The following EIF3B variants were observed in gnomAD, a reference collection of about 807,000 sequenced individuals.
The protein encoded by EIF3B is eukaryotic translation initiation factor 3 subunit B, also known as eukaryotic translation initiation factor 3 subunit 9.
A neutral mutation model predicts 104.6 loss-of-function variants in EIF3B; 10 were observed. The ratio of observed to expected loss-of-function variants is 0.10; its 90% CI spans 0.06 to 0.16. The LOEUF is 0.16. EIF3B is among the 10% of genes least tolerant of loss of function. The probability of loss-of-function intolerance (pLI) is 1.00; values close to 1 mark genes in which losing one functional copy is unlikely to be tolerated. For synonymous variants in EIF3B, 542 were observed against 417.2 expected (o/e 1.30, Z -3.65); for missense variants, 1,014 against 1,087.9 (o/e 0.93, Z 0.96).
chr7:2,374,288 A>G (rs1444577218), intron 12 of EIF3B: 2 of 417,278 alleles, frequency 4.8e-6, no homozygotes, highest in Non-Finnish European at 8.8e-6. Flanking sequence ...ACCTCAGGAA[A>G]TAAGATAGTA....
Position 2,366,508 on chromosome 7 carries a change from A to G in EIF3B, c.1290-17A>G. The G allele has an allele frequency of 6.2e-7, 1 of 1,614,108 alleles. No homozygotes were observed. The highest frequency in any genetic ancestry group is 1.1e-5 in the South Asian group (1 of 91,078). On this transcript the variant is annotated splice_polypyrimidine_tract_variant and intron_variant, in intron 7 of 18. Transcript: ENST00000360876. ...TGTCTTTTCATGGGAATACCCTGGCACTTTTGTTTTTCTTAGGTGGAGCCA... is the reference window on the plus strand; with the variant it reads ...TGTCTTTTCATGGGAATACCCTGGCGCTTTTGTTTTTCTTAGGTGGAGCCA...
intron 3 of EIF3B, 27 bp downstream of exon 3, chr7:2,362,791 G>T: frequency 6.2e-7 from 1 of 1,613,740 alleles, no homozygotes; most frequent in Non-Finnish European, 8.5e-7. Context: ...CCACAAGGAA[G>T]TGGACGTTGA....
intron 6 of EIF3B, among the ~76,000 whole-genome samples, chr7:2,365,481 C>T (rs1438774081): frequency 6.6e-6 from 1 of 152,108 alleles, no homozygotes; most frequent in Non-Finnish European, 1.5e-5. Context: ...TCTGCCTTCC[C>T]CTCTGGTGTT....
chr7:2,362,635 TCTCA>T lies in EIF3B; in HGVS notation c.693-5_693-2del. On this transcript the variant is annotated splice_region_variant and splice_polypyrimidine_tract_variant and intron_variant, in intron 2 of 18. Transcript: ENST00000360876. Reference sequence around the variant, plus strand: ...GTGTGGGTATGTGCCAACGGCCCTCTCTCACTCAGGTATATTTTCCTGGAGTACG... The same window carrying T: ...GTGTGGGTATGTGCCAACGGCCCTCTCTCAGGTATATTTTCCTGGAGTACG... The T allele has an allele frequency of 1.9e-6, 3 of 1,614,158 alleles. No homozygotes were observed. The highest frequency in any genetic ancestry group is 1.7e-5 in the Admixed American group (1 of 60,028).
At position 2,375,535 on chromosome 7, in the gene EIF3B, C is replaced by A. The variant is rs764112995; in HGVS notation, c.2028+8C>A. The A allele has an allele frequency of 4.3e-6, 7 of 1,614,020 alleles. No homozygotes were observed. In the East Asian group the frequency reaches 1.6e-4, roughly 36 times the overall value. On this transcript the variant is annotated splice_region_variant and intron_variant, in intron 14 of 18. Transcript: ENST00000360876. Reference sequence around the variant, plus strand: ...TCCTGGTGGAGCCATAAGGTGCAGGCCTGTGGGGCATAGTTTTGACTGTGG... The same window carrying A: ...TCCTGGTGGAGCCATAAGGTGCAGGACTGTGGGGCATAGTTTTGACTGTGG...
chr7:2,378,146 C>G (rs866427819), intron 15 of EIF3B: 40 of 54,868 alleles, frequency 7.3e-4, no homozygotes, highest in Non-Finnish European at 9.0e-4. Flanking sequence ...AATCCGTGTT[C>G]TGTGAATGAC....
intron 8 of EIF3B, 71 bp from the exon 9 acceptor site, chr7:2,366,928 A>G (rs1388697937): frequency 1.3e-6 from 2 of 1,505,594 alleles, no homozygotes; most frequent in East Asian, 2.3e-5. Context: ...TTCCTTTTGT[A>G]AAAAGTTAGG....
chr7:2,378,895 C>A (rs1028858437), intron 16 of EIF3B, 129 bp downstream of exon 16: 3 of 893,366 alleles, frequency 3.4e-6, no homozygotes, highest in Admixed American at 2.3e-5. Flanking sequence ...TCTGTTCCCC[C>A]CCAGGAGGGA....
intron 14 of EIF3B, chr7:2,375,894 G>C (rs911076932): frequency 1.9e-5 from 4 of 205,578 alleles, no homozygotes; most frequent in Non-Finnish European, 3.9e-5. Context: ...TCCAGCTGCC[G>C]CGTTACCCAC....
At chr7:2,378,650 TTGAATGTTAAA>T in intron 15 of EIF3B, 28 bp from the exon 16 acceptor site, 4 of 1,576,276 alleles carry the variant, frequency 2.5e-6, no homozygotes, top group Non-Finnish European at 3.5e-6. Context: ...GCTTGTTGCT[TTGAATGTTAAA>T]TCCTGAGTGA....
chr7:2,379,418 G>A lies in EIF3B; in HGVS notation c.2366G>A (p.Ser789Asn), dbSNP rs1195442825. Residue 789 changes from serine to asparagine, a missense_variant, in exon 18 of 19, where the codon AGC (serine) becomes AAC (asparagine). Ser to Asn is a conservative substitution (Grantham distance 46). Coordinates refer to ENST00000360876, the MANE Select transcript of EIF3B (RefSeq NM_001037283.2). ...GGGGTGGACACTGACGAGCTGGACA[G>A]CAACGTGGACGACTGGGAAGAGGAG... The part of the protein sequence containing the change: ...RGGVDTDELD[S>N]NVDDWEEETI... 6.3e-7 allele frequency: 1 copy of A among 1,593,226 alleles called. No homozygotes were observed.
intron 14 of EIF3B, among the ~76,000 whole-genome samples, chr7:2,375,794 A>G (rs772856551): frequency 5.9e-5 from 9 of 152,086 alleles, no homozygotes; most frequent in Non-Finnish European, 1.3e-4. Context: ...AGGAGTGAGA[A>G]TGTCTGCAGA....
At position 2,355,391 on chromosome 7, in the gene EIF3B, A is replaced by G. The variant is rs369059870; in HGVS notation, c.470A>G (p.Glu157Gly). The change falls in exon 1 of 19, where the codon GAG becomes GGG. Residue 157 changes from glutamate to glycine, a missense_variant. Physicochemically the swap from Glu to Gly is moderately conservative, Grantham distance 98. This residue lies in a region of EIF3B where 488 missense variants were observed against 404.3 expected (regional missense o/e 1.21). Transcript: ENST00000360876. ...DADEPSFSDP[E>G]DFVDDVSEEE... ...GACGAGCCCTCCTTCAGCGACCCCG[A>G]GGACTTCGTGGACGACGTGAGCGAG... 2.1e-4 allele frequency: 319 copies of G among 1,510,680 alleles called. No homozygotes were observed. In the African/African-American group the frequency reaches 4.3e-3, roughly 20 times the overall value. The allele number at this position is 1,510,680 out of a possible 1,614,324, so 93.6% of individuals were successfully genotyped here.
chr7:2,354,471 G>A (rs1218945829), upstream of EIF3B, among the ~76,000 whole-genome samples: 1 of 152,164 alleles, frequency 6.6e-6, no homozygotes, highest in Non-Finnish European at 1.5e-5. Flanking sequence ...TGAGTTAGAG[G>A]ACATTTTCCT....
intron 18 of EIF3B, 167 bp from the exon 19 acceptor site, chr7:2,380,037 C>T (rs981926187): frequency 1.9e-5 from 5 of 266,124 alleles, no homozygotes; most frequent in Non-Finnish European, 3.7e-5. Context: ...GGTTGCTGTC[C>T]CCCCAGGGTG....
At chr7:2,361,619 C>CTAAA (rs1779731938) in intron 2 of EIF3B, among the ~76,000 whole-genome samples, 1 of 151,780 alleles carries the variant, frequency 6.6e-6, no homozygotes, top group African/African-American at 2.4e-5. Context: ...CGGGGTTTCA[C>CTAAA]CATGTTAGCC....
At chr7:2,360,981 A>G (rs948735366) in intron 2 of EIF3B, 79 bp downstream of exon 2, 1 of 1,230,742 alleles carries the variant, frequency 8.1e-7, no homozygotes, top group South Asian at 1.4e-5. Flanking sequence ...GATCCTTACT[A>G]ACACAGCTCC....
chr7:2,374,914 C>A (rs567872749), intron 13 of EIF3B: 1 of 339,222 alleles, frequency 2.9e-6, no homozygotes, highest in South Asian at 7.4e-5. Flanking sequence ...GTAACCTCCC[C>A]CCGGGGGTCA....
chr7:2,358,511 T>C (rs988454831), intron 1 of EIF3B, among the ~76,000 whole-genome samples: 5 of 152,024 alleles, frequency 3.3e-5, no homozygotes, highest in Admixed American at 3.3e-4. Flanking sequence ...TCTGCATATT[T>C]AGTATGTTGG....
Sources: gnomAD v4.1 joint callset for allele counts (sites outside exome capture counted in the v4.1 genomes callset) on GRCh38, gnomAD v4.1.1 for gene constraint, gnomAD v4.1.1 regional missense constraint, MANE v1.5 for transcripts, NCBI Gene and HGNC (gene_info 2026-07-23, HGNC 2026-07-21) for gene names.